Variants in OSBPL10 observed in about 807,000 individuals in gnomAD.
The protein encoded by OSBPL10 is oxysterol binding protein like 10, also known as oxysterol-binding protein-related protein 10.
OSBPL10 carries 49 observed loss-of-function variants against 81.7 expected under a neutral mutation model. The observed-to-expected ratio is 0.60, with a 90% CI of 0.48 to 0.76. The LOEUF is 0.76. Ranked by LOEUF, OSBPL10 falls within the 30% of genes least tolerant of loss-of-function variation. OSBPL10 has a pLI of 0.00. For synonymous variants in OSBPL10, 419 were observed against 383.6 expected (o/e 1.09, Z -1.08); for missense variants, 923 against 987.8 (o/e 0.93, Z 0.88).
intron 2 of OSBPL10, among the ~76,000 whole-genome samples, chr3:31,991,998 T>C (rs896053601): frequency 6.6e-6 from 1 of 151,806 alleles, no homozygotes; most frequent in Non-Finnish European, 1.5e-5. Flanking sequence ...ATACAAAAAT[T>C]AGCCAGGCGT....
At chr3:32,046,979 C>T (rs914468959) in intron 1 of OSBPL10, among the ~76,000 whole-genome samples, 4 of 152,092 alleles carry the variant, frequency 2.6e-5, no homozygotes, top group African/African-American at 7.2e-5. Context: ...CTGGGTAAGT[C>T]CATAGAGTCT....
At chr3:31,749,088 G>A (rs756907843) in intron 4 of OSBPL10, among the ~76,000 whole-genome samples, 5 of 152,144 alleles carry the variant, frequency 3.3e-5, no homozygotes, top group African/African-American at 9.7e-5. Flanking sequence ...TCTCTGGTCC[G>A]CTGTTTTTTA....
intron 3 of OSBPL10, among the ~76,000 whole-genome samples, chr3:31,849,914 C>T (rs905195110): frequency 1.3e-5 from 2 of 152,108 alleles, no homozygotes; most frequent in African/African-American, 4.8e-5. Flanking sequence ...CCTGTAATCC[C>T]AGCACTTTGG....
chr3:31,787,463 C>T (rs1240677834), intron 4 of OSBPL10, among the ~76,000 whole-genome samples: 5 of 151,908 alleles, frequency 3.3e-5, no homozygotes, highest in Admixed American at 1.3e-4. Context: ...GGCATGGAGG[C>T]GGGTCCCTGT....
chr3:31,883,386 AC>A (rs1695643498), intron 1 of OSBPL10, among the ~76,000 whole-genome samples: 1 of 151,496 alleles, frequency 6.6e-6, no homozygotes, highest in Non-Finnish European at 1.5e-5. Flanking sequence ...GATTACAGAC[AC>A]CACCACGCCC....
chr3:31,791,890 C>A (rs2125424779), intron 4 of OSBPL10, among the ~76,000 whole-genome samples: 1 of 151,344 alleles, frequency 6.6e-6, no homozygotes, highest in East Asian at 1.9e-4. Context: ...CCAATTCAAT[C>A]AATTTTCTGA....
chr3:31,841,639 G>C (rs555058165), intron 3 of OSBPL10, among the ~76,000 whole-genome samples: 3 of 152,138 alleles, frequency 2.0e-5, no homozygotes, highest in Non-Finnish European at 4.4e-5. Context: ...CCAACTAATT[G>C]GATGTCCCAC....
In OSBPL10 at chr3:31,987,497, T is replaced by C. The variant is rs1170951903; in HGVS notation, n.298+58994A>G. 2.0e-5 allele frequency among the ~76,000 whole-genome samples: 3 copies of C among 152,228 alleles called. No individual in the cohort carries two copies. The East Asian group carries it at 5.8e-4, about 29-fold the overall frequency. Reference sequence around the variant, plus strand: ...TGCATACACTTATAAATGTGGCTCATGTACTACAGAATTAACCCCCGGAAA... The same window carrying C: ...TGCATACACTTATAAATGTGGCTCACGTACTACAGAATTAACCCCCGGAAA... On this transcript the variant is annotated intron_variant and non_coding_transcript_variant, in intron 2 of 3. Coordinates refer to the OSBPL10 transcript ENST00000479173.
In OSBPL10 at chr3:32,055,729, T is replaced by C. The variant is rs540662390; in HGVS notation, n.186-9126A>G. 2.6e-5 allele frequency among the ~76,000 whole-genome samples: 4 copies of C among 152,298 alleles called. 1 individual carries two copies. Among genetic ancestry groups the C allele is most frequent in the Admixed American group, 2.6e-4 (4 of 15,298 alleles). ...TTCCTTTAAGGAATCAAACCTGACT[T>C]ATAGAACCAATAAAAGCCCTTTCGG... On this transcript the variant is annotated intron_variant and non_coding_transcript_variant, in intron 1 of 3. Coordinates refer to the OSBPL10 transcript ENST00000479173.
At chr3:31,844,121 A>T (rs1360231148) in intron 3 of OSBPL10, among the ~76,000 whole-genome samples, 1 of 152,246 alleles carries the variant, frequency 6.6e-6, no homozygotes, top group African/African-American at 2.4e-5. Context: ...GGATTCCTGT[A>T]ACAAAGCACC....
At chr3:31,803,421 G>A (rs532301099) in intron 4 of OSBPL10, among the ~76,000 whole-genome samples, 80 of 152,276 alleles carry the variant, frequency 5.3e-4, no homozygotes, top group Admixed American at 1.0e-3. Context: ...AACCAGGGAC[G>A]TTTATAACCA....
upstream of OSBPL10, among the ~76,000 whole-genome samples, chr3:31,985,975 G>A (rs937345182): frequency 1.3e-5 from 2 of 152,150 alleles, no homozygotes; most frequent in African/African-American, 4.8e-5. Context: ...TTTCAACTTA[G>A]GCAATTTGGC....
intron 1 of OSBPL10, among the ~76,000 whole-genome samples, chr3:32,047,528 G>A (rs1699633397): frequency 6.6e-6 from 1 of 152,162 alleles, no homozygotes; most frequent in Non-Finnish European, 1.5e-5. Flanking sequence ...CATGGCGCTG[G>A]TAGGGGTGTC....
At chr3:32,028,015 G>A (rs1289768274) in intron 2 of OSBPL10, among the ~76,000 whole-genome samples, 1 of 152,206 alleles carries the variant, frequency 6.6e-6, no homozygotes, top group East Asian at 1.9e-4. Flanking sequence ...GGAAGTGAGT[G>A]CCACCTGGAA....
intron 1 of OSBPL10, among the ~76,000 whole-genome samples, chr3:31,966,155 G>A (rs1317607746): frequency 2.5e-5 from 1 of 39,616 alleles, no homozygotes; most frequent in Non-Finnish European, 3.9e-5. Context: ...ACAAAATTAT[G>A]TGTGTGTGTG....
At chr3:31,909,194 C>G (rs149178192) in intron 1 of OSBPL10, among the ~76,000 whole-genome samples, 35 of 152,306 alleles carry the variant, frequency 2.3e-4, no homozygotes, top group Admixed American at 6.5e-4. Flanking sequence ...CCTTGGCCCT[C>G]CAGTGGTCTC....
At chr3:31,785,279 A>G (rs1698833552) in intron 4 of OSBPL10, among the ~76,000 whole-genome samples, 1 of 152,232 alleles carries the variant, frequency 6.6e-6, no homozygotes, top group South Asian at 2.1e-4. Context: ...AATTTTATCC[A>G]AAATAAAAAT....
intron 4 of OSBPL10, among the ~76,000 whole-genome samples, chr3:31,807,118 G>A (rs1400113623): frequency 2.6e-5 from 4 of 152,250 alleles, no homozygotes; most frequent in East Asian, 1.9e-4. Context: ...GGTGGCTCAC[G>A]CCTATAATCC....
chr3:31,878,114 A>G (rs1258154388), intron 2 of OSBPL10, among the ~76,000 whole-genome samples: 1 of 152,192 alleles, frequency 6.6e-6, no homozygotes, highest in African/African-American at 2.4e-5. Flanking sequence ...AATTGTGATT[A>G]TTCCATGCAG....
Sources: allele counts gnomAD v4.1 joint callset (sites outside exome capture counted in the v4.1 genomes callset), GRCh38; gene constraint gnomAD v4.1.1; transcripts MANE v1.5; gene names NCBI Gene and HGNC (gene_info 2026-07-23, HGNC 2026-07-21).